PIK3C3: variants seen among roughly 807,000 people sequenced by gnomAD.
The protein encoded by PIK3C3 is PI3-kinase type 3.
A neutral mutation model predicts 126.1 loss-of-function variants in PIK3C3; 95 were observed. The ratio of observed to expected loss-of-function variants is 0.75; its 90% CI spans 0.64 to 0.89. The LOEUF is 0.89. PIK3C3 is among the 40% of genes least tolerant of loss of function. The pLI is 0.00. For missense variants in PIK3C3, 829 were observed against 1,063.2 expected (o/e 0.78, Z 3.06); for synonymous variants, 374 against 360.0 (o/e 1.04, Z -0.44).
At chr18:42,053,180 A>G (rs1234417598) in intron 21 of PIK3C3, 1 of 152,222 alleles carries the variant, frequency 6.6e-6, no homozygotes, top group Non-Finnish European at 1.5e-5. Context: ...GAAATAGAAA[A>G]TGATCCAGCT....
At chr18:42,022,486 T>G (rs1293738035) in intron 13 of PIK3C3, among the ~76,000 whole-genome samples, 1 of 152,208 alleles carries the variant, frequency 6.6e-6, no homozygotes, top group Non-Finnish European at 1.5e-5. Flanking sequence ...TATGGAGCAC[T>G]CTTTTAACAC....
chr18:42,001,938 G>A (rs1431135337), intron 9 of PIK3C3, among the ~76,000 whole-genome samples: 1 of 152,162 alleles, frequency 6.6e-6, no homozygotes, highest in African/African-American at 2.4e-5. Context: ...CATGGAATAA[G>A]TTAGTAGGGC....
chr18:42,038,901 C>A, intron 18 of PIK3C3, 51 bp downstream of exon 18: 1 of 1,216,056 alleles, frequency 8.2e-7, no homozygotes, highest in Non-Finnish European at 1.2e-6. Flanking sequence ...ATTGTGTGTA[C>A]TTTTTCAAAT....
intron 7 of PIK3C3, 152 bp from the exon 8 acceptor site, chr18:41,995,738 T>A (rs1462963283): frequency 3.2e-6 from 2 of 619,728 alleles, no homozygotes; most frequent in Middle Eastern, 3.4e-4. Flanking sequence ...AGGATACATA[T>A]TTTTAAGATA....
intron 6 of PIK3C3, among the ~76,000 whole-genome samples, chr18:41,993,019 C>G (rs1981854841): frequency 6.6e-6 from 1 of 152,058 alleles, no homozygotes; most frequent in African/African-American, 2.4e-5. Flanking sequence ...AATCTAATTT[C>G]CAGACCTCAT....
At chr18:42,013,307 T>G in intron 10 of PIK3C3, 135 bp from the exon 11 acceptor site, 1 of 576,846 alleles carries the variant, frequency 1.7e-6, no homozygotes, top group Non-Finnish European at 3.0e-6. Context: ...AGTAATTTGG[T>G]GACGTGCCAA....
In PIK3C3 at chr18:42,083,341, G is replaced by T. The variant is rs947352432; in HGVS notation, c.*2204G>T. 6.6e-6 allele frequency: 1 copy of T among 152,150 alleles called. No individual in the cohort carries two copies. The highest frequency in any genetic ancestry group is 1.5e-5 in the Non-Finnish European group (1 of 68,022). 9.4% of individuals were successfully genotyped at this position (152,150 alleles called of 1,614,324 possible). A position where few individuals can be genotyped will look rare whatever the true frequency, so the allele number is the denominator to read the frequency against. ...GCATGATGTTTTGAGTTTGAGAAAT[G>T]TATTTGTGAGGACACATCACTTTAA... is the stretch of plus-strand genomic sequence containing the variant. On this transcript the variant is annotated 3_prime_UTR_variant, in exon 25 of 25. Transcript: ENST00000262039.
At chr18:42,076,001 C>T (rs1052713144) in intron 24 of PIK3C3, among the ~76,000 whole-genome samples, 3 of 147,542 alleles carry the variant, frequency 2.0e-5, no homozygotes, top group Non-Finnish European at 3.0e-5. Flanking sequence ...AATCTGTTCT[C>T]TAGTGTAGTC....
chr18:42,077,899 A>G (rs1174495741), intron 24 of PIK3C3, among the ~76,000 whole-genome samples: 4 of 152,192 alleles, frequency 2.6e-5, no homozygotes. Context: ...AAATAATAGG[A>G]CTTGAAAGTA....
chr18:42,054,176 AT>A (rs1984950654), intron 21 of PIK3C3, among the ~76,000 whole-genome samples: 1 of 63,548 alleles, frequency 1.6e-5, no homozygotes, highest in African/African-American at 7.7e-5. Context: ...ATATATATAT[AT>A]ATATATATAT....
chr18:41,985,420 A>G (rs1981419688), intron 4 of PIK3C3, among the ~76,000 whole-genome samples: 1 of 152,206 alleles, frequency 6.6e-6, no homozygotes, highest in Non-Finnish European at 1.5e-5. Flanking sequence ...TCAATCTCAA[A>G]GTCAGGTACA....
intron 9 of PIK3C3, among the ~76,000 whole-genome samples, chr18:41,999,028 C>T (rs1396573813): frequency 6.6e-6 from 1 of 152,046 alleles, no homozygotes; most frequent in Non-Finnish European, 1.5e-5. Flanking sequence ...CACAAAGTCA[C>T]ACTTTTTATT....
intron 13 of PIK3C3, chr18:42,025,562 T>C (rs1405394115): frequency 1.3e-5 from 2 of 152,218 alleles, no homozygotes; most frequent in Admixed American, 1.3e-4. Flanking sequence ...TGAACCCTGC[T>C]ACATGAGAAT....
At chr18:42,025,954 C>T (rs1386628933) in intron 13 of PIK3C3, 1 of 152,170 alleles carries the variant, frequency 6.6e-6, no homozygotes, top group Non-Finnish European at 1.5e-5. Context: ...GCCCTCAGCT[C>T]TCATGAAGTT....
At chr18:42,068,270 C>G (rs925789015) in intron 24 of PIK3C3, among the ~76,000 whole-genome samples, 3 of 152,132 alleles carry the variant, frequency 2.0e-5, no homozygotes, top group Non-Finnish European at 4.4e-5. Flanking sequence ...TGTGCAGTTT[C>G]CTCATTGCCT....
intron 4 of PIK3C3, among the ~76,000 whole-genome samples, chr18:41,982,087 A>T (rs1433623916): frequency 6.6e-6 from 1 of 152,168 alleles, no homozygotes; most frequent in Non-Finnish European, 1.5e-5. Context: ...TGCACCATGC[A>T]ACTATATTAG....
chr18:41,978,250 G>GTAAATTA (rs1981029970), intron 4 of PIK3C3, among the ~76,000 whole-genome samples: 1 of 152,130 alleles, frequency 6.6e-6, no homozygotes, highest in Non-Finnish European at 1.5e-5. Flanking sequence ...CCACCATGCT[G>GTAAATTA]GACCTCTAGG....
chr18:42,061,408 C>T (rs201143522), intron 22 of PIK3C3, among the ~76,000 whole-genome samples: 332 of 152,178 alleles, frequency 2.2e-3, no homozygotes, highest in South Asian at 0.017. Context: ...CATGGTGAAA[C>T]CCTGTCTCTA....
chr18:41,987,878 G>C lies in PIK3C3; in HGVS notation c.598G>C (p.Glu200Gln), dbSNP rs1276732666. The change falls in exon 5 of 25, where the codon GAA (glutamate) becomes CAA (glutamine). Residue 200 changes from glutamate to glutamine, a missense_variant. Glu to Gln is a conservative substitution (Grantham distance 29). This residue lies in a region of PIK3C3 where 313 missense variants were observed against 340.7 expected (regional missense o/e 0.92). Coordinates refer to ENST00000262039, the MANE Select transcript of PIK3C3 (RefSeq NM_002647.4). ...TTGGCTGGATAGATTGACATTTAGA[G>C]AAATAGAAATGATAAATGAGGTGGG... ...VDWLDRLTFR[E>Q]IEMINESEKR... is the part of the protein sequence containing the mutation. 3.1e-6 allele frequency: 5 copies of C among 1,592,246 alleles called. No homozygotes were observed. The highest frequency in any genetic ancestry group is 4.3e-6 in the Non-Finnish European group (5 of 1,165,138).
Sources: gnomAD v4.1 joint callset for allele counts (sites outside exome capture counted in the v4.1 genomes callset) on GRCh38, gnomAD v4.1.1 for gene constraint, gnomAD v4.1.1 regional missense constraint, MANE v1.5 for transcripts, NCBI Gene and HGNC (gene_info 2026-07-23, HGNC 2026-07-21) for gene names.